The following CEPT1 variants were observed in gnomAD, a reference collection of about 807,000 sequenced individuals.
CEPT1 encodes choline/ethanolaminephosphotransferase 1.
CEPT1 carries 7 observed loss-of-function variants against 42.6 expected under a neutral mutation model. That is an observed-to-expected ratio of 0.16 (90% CI 0.09 to 0.31). CEPT1 has a LOEUF of 0.31. Among genes scored for constraint, CEPT1 ranks in the 10% least tolerant of loss-of-function variants. The pLI, the probability that CEPT1 is intolerant of heterozygous loss-of-function variation, is 1.00. For synonymous variants in CEPT1, 171 were observed against 171.9 expected, an observed-to-expected ratio of 0.99 and a Z score of 0.04; for missense variants, 306 against 502.1, an observed-to-expected ratio of 0.61 and a Z score of 3.73.
At chr1:111,163,455 G>A (rs774834360) in intron 4 of CEPT1, among the ~76,000 whole-genome samples, 3 of 151,990 alleles carry the variant, frequency 2.0e-5, no homozygotes, top group Non-Finnish European at 4.4e-5. Context: ...TATAGACCTG[G>A]TCTCTACAAA....
At chr1:111,170,316 T>C (rs549599818) in intron 4 of CEPT1, among the ~76,000 whole-genome samples, 14 of 152,316 alleles carry the variant, frequency 9.2e-5, no homozygotes, top group Non-Finnish European at 1.9e-4. Flanking sequence ...CTCAGAGTTA[T>C]TCAATGGGCT....
intron 3 of CEPT1, chr1:111,160,126 A>G (rs999652217): frequency 3.9e-5 from 6 of 152,188 alleles, no homozygotes; most frequent in South Asian, 2.1e-4. Flanking sequence ...CTCATATACA[A>G]TTTTTAAAAG....
chr1:111,144,613 A>G (rs1654855209), intron 1 of CEPT1, among the ~76,000 whole-genome samples: 1 of 152,218 alleles, frequency 6.6e-6, no homozygotes, highest in South Asian at 2.1e-4. Context: ...CAGACTTAAA[A>G]CCATTAGGAT....
intron 6 of CEPT1, 161 bp downstream of exon 6, chr1:111,182,479 A>G: frequency 1.4e-6 from 1 of 728,690 alleles, no homozygotes; most frequent in Non-Finnish European, 2.2e-6. Context: ...ATATATACTT[A>G]CCCACATTTA....
Position 111,184,467 on chromosome 1 carries a change from G to A in CEPT1, c.*157G>A. On this transcript the variant is annotated 3_prime_UTR_variant, in exon 9 of 9. Transcript: ENST00000357172. Reference sequence around the variant, plus strand: ...TGGTAACACGCCCTAACTATCCTGTGTGAGAATGGGAATTTCAAGTCCCAT... The same window carrying A: ...TGGTAACACGCCCTAACTATCCTGTATGAGAATGGGAATTTCAAGTCCCAT... 1 of 523,930 alleles carries A rather than the reference G, an allele frequency of 1.9e-6. No homozygotes were observed. Among genetic ancestry groups the A allele is most frequent in the South Asian group, 3.2e-5 (1 of 31,050 alleles). The allele number at this position is 523,930 out of a possible 1,614,324, so 32.5% of individuals were successfully genotyped here.
intron 2 of CEPT1, among the ~76,000 whole-genome samples, chr1:111,157,114 G>A (rs758049208): frequency 3.3e-5 from 5 of 152,108 alleles, no homozygotes; most frequent in Non-Finnish European, 5.9e-5. Context: ...AAAATAATGT[G>A]CACAAGGAAG....
At chr1:111,154,521 G>T (rs1655456887) in intron 2 of CEPT1, among the ~76,000 whole-genome samples, 1 of 152,054 alleles carries the variant, frequency 6.6e-6, no homozygotes, top group Non-Finnish European at 1.5e-5. Flanking sequence ...GGGACTTCCA[G>T]TACTATGTTG....
intron 1 of CEPT1, among the ~76,000 whole-genome samples, chr1:111,141,437 A>G (rs555515740): frequency 7.9e-5 from 12 of 152,210 alleles, no homozygotes; most frequent in Non-Finnish European, 1.8e-4. Context: ...ATTAACACCA[A>G]TTACATTTTA....
At chr1:111,158,902 CTTTTTTTTTTTTTTT>C (rs149230078) in intron 2 of CEPT1, among the ~76,000 whole-genome samples, 2 of 55,436 alleles carry the variant, frequency 3.6e-5, no homozygotes, top group Non-Finnish European at 6.9e-5. Context: ...TTTTACAATT[CTTTTTTTTTTTTTTT>C]TTTTTTTTTT....
intron 7 of CEPT1, 23 bp from the exon 8 acceptor site, chr1:111,183,439 A>T (rs766317436): frequency 6.2e-7 from 1 of 1,611,504 alleles, no homozygotes; most frequent in South Asian, 1.1e-5. Context: ...GAAAATGCCT[A>T]CGTTATTCTG....
intron 4 of CEPT1, among the ~76,000 whole-genome samples, chr1:111,162,504 G>C (rs577335836): frequency 6.6e-6 from 1 of 152,304 alleles, no homozygotes; most frequent in South Asian, 2.1e-4. Context: ...TACAGGAAGA[G>C]GAACCTATTT....
chr1:111,174,142 A>G (rs573396532), intron 4 of CEPT1, among the ~76,000 whole-genome samples: 6 of 152,282 alleles, frequency 3.9e-5, no homozygotes, highest in African/African-American at 9.6e-5. Context: ...GAAAAACAGC[A>G]TATGTTTTGC....
rs2101413071 is a variant in CEPT1, at chr1:111,182,900, C to G, written c.948C>G (p.Pro316=). Residue 316 remains proline, a synonymous_variant, in exon 7 of 9, where the codon CCC becomes CCG. Coordinates refer to ENST00000357172, the MANE Select transcript of CEPT1 (RefSeq NM_006090.5). The part of the protein sequence containing the change: ...KSAVQLFEKH[P]CLYILTFGFV... ...CAGTTCAGCTTTTTGAAAAGCATCCCTGTCTTTATATACTGACATTTGGTT... is the reference window on the plus strand; with the variant it reads ...CAGTTCAGCTTTTTGAAAAGCATCCGTGTCTTTATATACTGACATTTGGTT... 1 of 1,613,808 alleles carries G rather than the reference C, an allele frequency of 6.2e-7. No homozygotes were observed. The highest frequency in any genetic ancestry group is 2.2e-5 in the East Asian group (1 of 44,856).
rs200917228 is a variant in CEPT1 at position 111,141,596 on chromosome 1, TTG to T, written c.-74+1301_-74+1302del. Among the ~76,000 whole-genome samples, 10 of 152,196 alleles carry T rather than the reference TTG, an allele frequency of 6.6e-5. No individual in the cohort carries two copies. The East Asian group carries it at 1.4e-3, about 21-fold the overall frequency. ...TACCAAGCTTTTGCTGATTTTTATG[TTG>T]TGTGTGTGTGTTTTTTTAAGGGGGA... On this transcript the variant is annotated intron_variant, in intron 1 of 8. Transcript: ENST00000357172.
At chr1:111,167,032 A>T in intron 4 of CEPT1, 1 of 639,496 alleles carries the variant, frequency 1.6e-6, no homozygotes, top group Non-Finnish European at 1.9e-6. Flanking sequence ...TATTTTTGTT[A>T]CCTGTGTTAG....
chr1:111,147,378 G>A (rs1018187226), intron 1 of CEPT1, among the ~76,000 whole-genome samples: 1 of 152,138 alleles, frequency 6.6e-6, no homozygotes, highest in African/African-American at 2.4e-5. Flanking sequence ...AAAAGAATAT[G>A]AGCTTCAAAG....
intron 2 of CEPT1, among the ~76,000 whole-genome samples, chr1:111,151,131 T>TG (rs1233227029): frequency 1.0e-4 from 15 of 150,492 alleles, no homozygotes; most frequent in South Asian, 4.2e-4. Flanking sequence ...TTTGTTTGTT[T>TG]TTTTTTTTTT....
intron 2 of CEPT1, among the ~76,000 whole-genome samples, chr1:111,150,004 G>A (rs960752131): frequency 1.3e-5 from 2 of 152,214 alleles, no homozygotes; most frequent in Non-Finnish European, 2.9e-5. Flanking sequence ...CTTCCAGAAT[G>A]GAAGCTATTC....
chr1:111,181,307 A>G (rs922675017), intron 5 of CEPT1: 1 of 152,088 alleles, frequency 6.6e-6, no homozygotes, highest in Non-Finnish European at 1.5e-5. Context: ...TTTTCAATCC[A>G]TATTGGACAA....
Sources: allele counts gnomAD v4.1 joint callset (sites outside exome capture counted in the v4.1 genomes callset), GRCh38; gene constraint gnomAD v4.1.1; transcripts MANE v1.5; gene names NCBI Gene and HGNC (gene_info 2026-07-23, HGNC 2026-07-21).